The following TMOD2 variants were observed in gnomAD, a reference collection of about 807,000 sequenced individuals.
TMOD2 encodes tropomodulin 2, also known as tropomodulin-2.
A neutral mutation model predicts 39.9 loss-of-function variants in TMOD2; 22 were observed. The ratio of observed to expected loss-of-function variants is 0.55; its 90% CI spans 0.39 to 0.79. The LOEUF is 0.79. Among genes scored for constraint, TMOD2 ranks in the 30% least tolerant of loss-of-function variants. TMOD2 has a pLI of 0.00. For synonymous variants in TMOD2, 123 were observed against 146.1 expected (o/e 0.84, Z 1.14); for missense variants, 386 against 413.3 (o/e 0.93, Z 0.57).
chr15:51,768,135 C>A, intron 2 of TMOD2, 127 bp from the exon 3 acceptor site: 1 of 1,098,186 alleles, frequency 9.1e-7, no homozygotes, highest in Non-Finnish European at 1.3e-6. Flanking sequence ...GCCCTCAGCT[C>A]ACACGCACAT....
Position 51,782,850 on chromosome 15 carries a change from A to G in TMOD2, c.732+22A>G, listed in dbSNP as rs569844880. ...CATTGTGAGTAAAATTCTTAGAAAT[A>G]TAACATGAAGTTATTTAATTCACTG... On this transcript the variant is annotated intron_variant, in intron 7 of 9. Coordinates refer to ENST00000249700, the MANE Select transcript of TMOD2 (RefSeq NM_014548.4). 613 of 1,594,928 alleles carry G rather than the reference A, an allele frequency of 3.8e-4. 10 individuals are homozygous for G. In the South Asian group the frequency reaches 6.4e-3, roughly 17 times the overall value.
At chr15:51,765,808 C>T (rs1439180749) in intron 1 of TMOD2, among the ~76,000 whole-genome samples, 10 of 152,180 alleles carry the variant, frequency 6.6e-5, no homozygotes, top group Non-Finnish European at 8.8e-5. Context: ...ATTTTAGAAT[C>T]GCACTTAGTT....
chr15:51,757,401 CAAA>C (rs3078133), intron 1 of TMOD2, among the ~76,000 whole-genome samples: 31,492 of 80,544 alleles, frequency 0.39, 2,947 homozygotes, highest in Middle Eastern at 0.46. Context: ...GACTCCGTCT[CAAA>C]AAAAAAAAAA....
At chr15:51,771,744 G>C (rs1045737379) in intron 3 of TMOD2, among the ~76,000 whole-genome samples, 4 of 152,156 alleles carry the variant, frequency 2.6e-5, no homozygotes, top group African/African-American at 9.7e-5. Context: ...AAATGTTTCA[G>C]GCCATAGACG....
At chr15:51,795,585 T>C (rs199677613) in intron 7 of TMOD2, among the ~76,000 whole-genome samples, 1 of 35,504 alleles carries the variant, frequency 2.8e-5, no homozygotes, top group African/African-American at 8.9e-5. Flanking sequence ...TTGCTTTCTT[T>C]CTTTCTTTCT....
rs1472254264 is a variant in TMOD2, at chr15:51,809,900, G to A, written c.*1446G>A. 6.6e-6 allele frequency: 1 copy of A among 152,116 alleles called. No individual in the cohort carries two copies. The highest frequency in any genetic ancestry group is 2.4e-5 in the African/African-American group (1 of 41,416). The allele number at this position is 152,116 out of a possible 1,614,324, so 9.4% of individuals were successfully genotyped here. ...ATTAATATATTATTCTATTTAGCTTGTAAAACACATGGAATCTGTTTAAGA... is the reference window on the plus strand; with the variant it reads ...ATTAATATATTATTCTATTTAGCTTATAAAACACATGGAATCTGTTTAAGA... On this transcript the variant is annotated 3_prime_UTR_variant, in exon 10 of 10. Coordinates refer to ENST00000249700, the MANE Select transcript of TMOD2 (RefSeq NM_014548.4).
At chr15:51,754,022 A>T (rs951719442) in intron 1 of TMOD2, among the ~76,000 whole-genome samples, 1 of 152,224 alleles carries the variant, frequency 6.6e-6, no homozygotes, top group East Asian at 1.9e-4. Context: ...CACCTTCCCA[A>T]AATTGAAATC....
chr15:51,770,129 C>T (rs745489410), intron 3 of TMOD2, among the ~76,000 whole-genome samples: 1 of 152,214 alleles, frequency 6.6e-6, no homozygotes, highest in Non-Finnish European at 1.5e-5. Context: ...CCATCCAGCT[C>T]TCTACCTGCA....
Position 51,787,677 on chromosome 15 carries a change from T to G in TMOD2, c.732+4849T>G, listed in dbSNP as rs2055980437. Among the ~76,000 whole-genome samples, 3 of 152,180 alleles carry G rather than the reference T, an allele frequency of 2.0e-5. No homozygotes were observed. The South Asian group carries it at 6.2e-4, about 31-fold the overall frequency. On this transcript the variant is annotated intron_variant, in intron 7 of 9. Transcript: ENST00000249700. ...AGAGGAGGGATCAGACAGCAATATT[T>G]GCTCTTCTGCAGCCTCTGCTGGTGA...
At chr15:51,774,680 T>C (rs2055875637) in intron 4 of TMOD2, among the ~76,000 whole-genome samples, 1 of 152,178 alleles carries the variant, frequency 6.6e-6, no homozygotes, top group Admixed American at 6.5e-5. Context: ...ATTGACCATA[T>C]TGACCACTGC....
At chr15:51,798,009 G>A (rs2056063307) in intron 7 of TMOD2, among the ~76,000 whole-genome samples, 188 bp from the exon 8 acceptor site, 1 of 151,634 alleles carries the variant, frequency 6.6e-6, no homozygotes, top group African/African-American at 2.4e-5. Flanking sequence ...CTAGACTGCT[G>A]GACTGAAATA....
At chr15:51,798,366 AG>A in intron 8 of TMOD2, 26 bp downstream of exon 8, 1 of 1,612,684 alleles carries the variant, frequency 6.2e-7, no homozygotes, top group East Asian at 2.2e-5. Context: ...GAATAGGCAA[AG>A]TCAACTCACA....
At chr15:51,751,838 C>A (rs1281533005) in intron 1 of TMOD2, 126 bp downstream of exon 1, 2 of 149,548 alleles carry the variant, frequency 1.3e-5, no homozygotes, top group Admixed American at 1.3e-4. Context: ...CATGGGCGGT[C>A]GGCCGGGCGG....
chr15:51,783,474 TGTCTCAAAAAAAAAAAAGAAA>T (rs2055945660), intron 7 of TMOD2: 5 of 87,326 alleles, frequency 5.7e-5, no homozygotes, highest in Non-Finnish European at 9.6e-5. Context: ...AGGGAGACTC[TGTCTCAAAAAAAAAAAAGAAA>T]AATTAAAGTA....
intron 8 of TMOD2, among the ~76,000 whole-genome samples, chr15:51,805,772 G>A (rs1595880465): frequency 6.6e-6 from 1 of 151,992 alleles, no homozygotes. Flanking sequence ...ATATACCTAT[G>A]TATCCACAAA....
Position 51,811,054 on chromosome 15 carries a change from A to T in TMOD2, c.*2600A>T, listed in dbSNP as rs1248346840. The T allele has an allele frequency of 1.3e-5, 2 of 152,168 alleles. No individual in the cohort carries two copies. Among genetic ancestry groups the T allele is most frequent in the Admixed American group, 6.5e-5 (1 of 15,268 alleles). 9.4% of individuals were successfully genotyped at this position (152,168 alleles called of 1,614,324 possible). A position where few individuals can be genotyped will look rare whatever the true frequency, so the allele number is the denominator to read the frequency against. ...TCTATGAAATCAAATGTTTTTTACTAATCAGTTTGTTTTCTTATTACCTGT... is the reference window on the plus strand; with the variant it reads ...TCTATGAAATCAAATGTTTTTTACTTATCAGTTTGTTTTCTTATTACCTGT... On this transcript the variant is annotated 3_prime_UTR_variant, in exon 10 of 10. Transcript: ENST00000249700.
At chr15:51,801,461 T>G (rs1255251573) in intron 8 of TMOD2, among the ~76,000 whole-genome samples, 1 of 152,194 alleles carries the variant, frequency 6.6e-6, no homozygotes, top group East Asian at 1.9e-4. Flanking sequence ...CTTATCTATC[T>G]AATGAGGGGT....
chr15:51,763,053 A>G (rs565990615), intron 1 of TMOD2, among the ~76,000 whole-genome samples: 4 of 151,954 alleles, frequency 2.6e-5, no homozygotes, highest in East Asian at 1.9e-4. Flanking sequence ...TCCCACCCCA[A>G]CCTCCCGAAT....
At position 51,768,259 on chromosome 15, in the gene TMOD2, C is replaced by G; in HGVS notation, c.127-3C>G. 1 of 1,614,048 alleles carries G rather than the reference C, an allele frequency of 6.2e-7. No homozygotes were observed. The highest frequency in any genetic ancestry group is 1.1e-5 in the South Asian group (1 of 91,062). On this transcript the variant is annotated splice_region_variant and splice_polypyrimidine_tract_variant and intron_variant, in intron 2 of 9. Coordinates refer to ENST00000249700, the MANE Select transcript of TMOD2 (RefSeq NM_014548.4). ...CTTCCTGCTCACACCTCTTTCTTGT[C>G]AGAGTGCCATGCTGCCAGCTGGATT...
Sources: allele counts gnomAD v4.1 joint callset (sites outside exome capture counted in the v4.1 genomes callset), GRCh38; gene constraint gnomAD v4.1.1; transcripts MANE v1.5; gene names NCBI Gene and HGNC (gene_info 2026-07-23, HGNC 2026-07-21).